CREM: variants seen among roughly 807,000 people sequenced by gnomAD.
CREM encodes the protein cAMP-responsive element modulator.
A neutral mutation model predicts 37.3 loss-of-function variants in CREM; 13 were observed. The ratio of observed to expected loss-of-function variants is 0.35; its 90% CI spans 0.23 to 0.55. CREM has a LOEUF of 0.55. Among genes scored for constraint, CREM ranks in the 20% least tolerant of loss-of-function variants. The probability of loss-of-function intolerance (pLI) is 0.88; values close to 1 mark genes in which losing one functional copy is unlikely to be tolerated. For missense variants in CREM, 296 were observed against 362.3 expected, an observed-to-expected ratio of 0.82 and a Z score of 1.49; for synonymous variants, 124 against 120.2, an observed-to-expected ratio of 1.03 and a Z score of -0.21.
At chr10:35,162,483 A>G (rs189080748) in intron 3 of CREM, among the ~76,000 whole-genome samples, 24 of 152,372 alleles carry the variant, frequency 1.6e-4, no homozygotes, top group Non-Finnish European at 2.6e-4. Flanking sequence ...TTTAACTATT[A>G]CATAATGTAT....
intron 2 of CREM, among the ~76,000 whole-genome samples, chr10:35,138,677 C>T (rs2090978481): frequency 1.3e-5 from 2 of 151,636 alleles, no homozygotes; most frequent in African/African-American, 2.4e-5. Context: ...CAGGGTGCCA[C>T]CATACCCGGC....
intron 2 of CREM, among the ~76,000 whole-genome samples, chr10:35,138,838 A>C (rs1170508155): frequency 6.6e-6 from 1 of 151,914 alleles, no homozygotes; most frequent in Non-Finnish European, 1.5e-5. Flanking sequence ...GCCTGGGGAA[A>C]AAAAAAGAGA....
intron 2 of CREM, among the ~76,000 whole-genome samples, chr10:35,147,946 T>G (rs73260864): frequency 0.03 from 4,540 of 152,244 alleles, 225 homozygotes; most frequent in African/African-American, 0.1. Flanking sequence ...TCAGAAATGA[T>G]TATTAGAAAG....
intron 6 of CREM, chr10:35,196,280 C>G (rs529548222): frequency 1.9e-6 from 1 of 533,576 alleles, no homozygotes; most frequent in Non-Finnish European, 3.3e-6. Flanking sequence ...TACTTGTTCT[C>G]CCAGCCTCTG....
chr10:35,136,901 G>T (rs950826011), intron 1 of CREM, among the ~76,000 whole-genome samples: 1 of 149,926 alleles, frequency 6.7e-6, no homozygotes, highest in Non-Finnish European at 1.5e-5. Context: ...GCCCATTGCA[G>T]CCTCAACTTT....
rs1161009434 is a variant in CREM at position 35,188,406 on chromosome 10, A to G, written c.598+18A>G. 2 of 1,593,678 alleles carry G rather than the reference A, an allele frequency of 1.3e-6. No homozygotes were observed. Among genetic ancestry groups the G allele is most frequent in the East Asian group, 4.5e-5 (2 of 44,558 alleles). The stretch of plus-strand genomic sequence containing the variant: ...TGTTCAAGGTATATTTTATTAATCT[A>G]ATACATTTAGAATACCTATGGATTA... On this transcript the variant is annotated intron_variant, in intron 6 of 7. Coordinates refer to ENST00000685392, the MANE Select transcript of CREM (RefSeq NM_183011.2).
chr10:35,151,502 A>G (rs953547567), intron 3 of CREM, among the ~76,000 whole-genome samples: 2 of 152,086 alleles, frequency 1.3e-5, no homozygotes, highest in Admixed American at 6.6e-5. Context: ...CAGCCTCCCG[A>G]GTAGCTGGGA....
At chr10:35,165,689 T>C (rs1244034926) in intron 3 of CREM, among the ~76,000 whole-genome samples, 1 of 151,760 alleles carries the variant, frequency 6.6e-6, no homozygotes, top group Admixed American at 6.6e-5. Context: ...AAAGGTCATG[T>C]CCATTTTTAT....
intron 6 of CREM, among the ~76,000 whole-genome samples, chr10:35,189,620 A>G (rs1261930429): frequency 6.6e-6 from 1 of 152,006 alleles, no homozygotes; most frequent in Non-Finnish European, 1.5e-5. Context: ...GGTTCAAGCA[A>G]TTCTTCTGCC....
At chr10:35,182,766 A>C (rs2094405377) in intron 5 of CREM, among the ~76,000 whole-genome samples, 1 of 152,234 alleles carries the variant, frequency 6.6e-6, no homozygotes, top group Non-Finnish European at 1.5e-5. Context: ...CCATTATTAC[A>C]ACACCAAGTA....
intron 3 of CREM, among the ~76,000 whole-genome samples, chr10:35,150,625 C>T (rs2092529031): frequency 6.6e-6 from 1 of 152,066 alleles, no homozygotes; most frequent in South Asian, 2.1e-4. Flanking sequence ...AGTCCGAGAC[C>T]AGCCTGGCCA....
intron 5 of CREM, 44 bp from the exon 6 acceptor site, chr10:35,188,152 AAAAT>A (rs1321494740): frequency 4.5e-6 from 7 of 1,540,058 alleles, no homozygotes; most frequent in Non-Finnish European, 6.1e-6. Context: ...GGGATTATTA[AAAAT>A]AAATCTTGAA....
chr10:35,158,812 G>GTT (rs1564838652), intron 3 of CREM, among the ~76,000 whole-genome samples: 4 of 65,210 alleles, frequency 6.1e-5, no homozygotes, highest in African/African-American at 1.9e-4. Context: ...TTTTTTTGTT[G>GTT]TTTTGTTTGT....
intron 7 of CREM, 76 bp downstream of exon 7, chr10:35,207,127 T>C (rs1167166946): frequency 1.4e-6 from 2 of 1,479,890 alleles, no homozygotes; most frequent in Non-Finnish European, 1.8e-6. Context: ...GCGCAGTGGC[T>C]CACGCCTGTA....
chr10:35,212,584 G>T lies in CREM; in HGVS notation c.*1186G>T, dbSNP rs1474557456. 1 of 152,744 alleles carries T rather than the reference G, an allele frequency of 6.5e-6. No individual in the cohort carries two copies. Among genetic ancestry groups the T allele is most frequent in the Non-Finnish European group, 1.5e-5 (1 of 68,036 alleles). 9.5% of individuals were successfully genotyped at this position (152,744 alleles called of 1,614,324 possible). ...GGGTACAAGTCAGTTTCTACACTGG[G>T]TGCTGATCCTTGCACGCGCCCTTTC... On this transcript the variant is annotated 3_prime_UTR_variant, in exon 8 of 8. Transcript: ENST00000685392.
At chr10:35,145,170 A>G (rs11594002) in intron 2 of CREM, among the ~76,000 whole-genome samples, 6 of 136,742 alleles carry the variant, frequency 4.4e-5, no homozygotes, top group Non-Finnish European at 5.0e-5. Flanking sequence ...CAAAAAAAAA[A>G]AAAAAAAAAA....
At chr10:35,172,716 C>CG (rs1035373745) in intron 3 of CREM, among the ~76,000 whole-genome samples, 2 of 152,084 alleles carry the variant, frequency 1.3e-5, no homozygotes, top group Non-Finnish European at 2.9e-5. Flanking sequence ...AGCACCCCCC[C>CG]GCTGCGTCCT....
intron 3 of CREM, among the ~76,000 whole-genome samples, chr10:35,164,124 TTTAAGTA>T (rs2093426215): frequency 6.6e-6 from 1 of 152,240 alleles, no homozygotes; most frequent in African/African-American, 2.4e-5. Context: ...TTTATGCAGT[TTTAAGTA>T]TTAAGACTAA....
chr10:35,178,928 G>A lies in CREM; in HGVS notation c.208G>A (p.Glu70Lys). Residue 70 changes from glutamate to lysine, a missense_variant, in exon 4 of 8, where the codon GAA (glutamate) becomes AAA (lysine). Coordinates refer to ENST00000685392, the MANE Select transcript of CREM (RefSeq NM_183011.2). ...AGAGACAGATGAATCTGCAGAATCA[G>A]AAGGTGTAATTGATTCTCATAAACG... ...IAETDESAESEGVIDSHKRRE... is the reference protein window; with the variant it reads ...IAETDESAESKGVIDSHKRRE... 1 of 1,613,672 alleles carries A rather than the reference G, an allele frequency of 6.2e-7. No homozygotes were observed. The highest frequency in any genetic ancestry group is 1.7e-4 in the Middle Eastern group (1 of 6,052).
Sources: allele counts gnomAD v4.1 joint callset (sites outside exome capture counted in the v4.1 genomes callset), GRCh38; gene constraint gnomAD v4.1.1; transcripts MANE v1.5; gene names NCBI Gene and HGNC (gene_info 2026-07-23, HGNC 2026-07-21).